Variants in KLRG2 observed in about 807,000 individuals in gnomAD.
KLRG2 encodes killer cell lectin-like receptor subfamily G member 2.
Under a neutral mutation model 35.4 loss-of-function variants are expected in KLRG2, and 39 were observed. The ratio of observed to expected loss-of-function variants is 1.10; its 90% CI spans 0.85 to 1.44. The LOEUF (loss-of-function observed/expected upper bound fraction) is 1.44, where lower values mean the gene tolerates loss of function less well. KLRG2 is among the 40% of genes most tolerant of loss of function. The probability of loss-of-function intolerance (pLI) is 0.00; values close to 1 mark genes in which losing one functional copy is unlikely to be tolerated. For missense variants in KLRG2, 632 were observed against 570.9 expected (o/e 1.11, Z -1.09); for synonymous variants, 283 against 265.8 (o/e 1.06, Z -0.63).
rs756859233 is a variant in KLRG2 at position 139,453,540 on chromosome 7, G to T, written c.*47C>A. On this transcript the variant is annotated 3_prime_UTR_variant, in exon 5 of 5. Transcript: ENST00000340940. ...AGCTCTCAACTGGCCTCCCCTGTAGGGGGTGCTGCATCTGCCTGGCAGGCT... is the reference window on the plus strand; with the variant it reads ...AGCTCTCAACTGGCCTCCCCTGTAGTGGGTGCTGCATCTGCCTGGCAGGCT... The T allele has an allele frequency of 3.2e-6, 5 of 1,556,886 alleles. No individual in the cohort carries two copies. The highest frequency in any genetic ancestry group is 1.4e-5 in the African/African-American group (1 of 73,418).
chr7:139,453,579 A>G lies in KLRG2; in HGVS notation c.*8T>C. 1.9e-6 allele frequency: 3 copies of G among 1,588,938 alleles called. No individual in the cohort carries two copies. Among genetic ancestry groups the G allele is most frequent in the Non-Finnish European group, 2.6e-6 (3 of 1,167,764 alleles). Reference sequence around the variant, plus strand: ...GCCTGGCAGGCTGAGGACCAGGCAGAGCCCAGATCACTGGGTCCCCTTGGC... The same window carrying G: ...GCCTGGCAGGCTGAGGACCAGGCAGGGCCCAGATCACTGGGTCCCCTTGGC... On this transcript the variant is annotated 3_prime_UTR_variant, in exon 5 of 5. Transcript: ENST00000340940.
At chr7:139,477,668 T>C (rs1470491513) in intron 3 of KLRG2, among the ~76,000 whole-genome samples, 1 of 152,172 alleles carries the variant, frequency 6.6e-6, no homozygotes, top group Non-Finnish European at 1.5e-5. Context: ...ATGGTGGTGA[T>C]AGGTGCTCAA....
chr7:139,456,746 G>T (rs190837342), intron 3 of KLRG2, among the ~76,000 whole-genome samples: 2 of 152,116 alleles, frequency 1.3e-5, no homozygotes, highest in African/African-American at 2.4e-5. Flanking sequence ...CTCAGCCTCC[G>T]AAGTAGCTGG....
the KLRG2 span, among the ~76,000 whole-genome samples, chr7:139,438,925 C>T: frequency 2.5e-5 from 3 of 122,332 alleles, no homozygotes; most frequent in South Asian, 3.5e-4. Context: ...TCCCCTCCCC[C>T]CCCCCACCCC....
chr7:139,450,333 C>G (rs576132121), downstream of KLRG2, among the ~76,000 whole-genome samples: 3 of 152,274 alleles, frequency 2.0e-5, no homozygotes, highest in African/African-American at 7.2e-5. Flanking sequence ...ACGCCATTCT[C>G]CTGTCTCAGC....
chr7:139,442,620 C>T, the KLRG2 span, among the ~76,000 whole-genome samples: 7 of 152,046 alleles, frequency 4.6e-5, no homozygotes, highest in Non-Finnish European at 8.8e-5. Flanking sequence ...CCATGGTGGG[C>T]GGATCACTTG....
intron 3 of KLRG2, among the ~76,000 whole-genome samples, chr7:139,462,500 T>C (rs1348519901): frequency 2.0e-5 from 3 of 152,162 alleles, no homozygotes; most frequent in Non-Finnish European, 4.4e-5. Flanking sequence ...TCCTTCACTA[T>C]AGGCAAACTT....
the KLRG2 span, among the ~76,000 whole-genome samples, chr7:139,443,903 T>C: frequency 6.6e-6 from 1 of 152,136 alleles, no homozygotes; most frequent in Non-Finnish European, 1.5e-5. Flanking sequence ...AGGAAGCCAG[T>C]AGTAGCTCAG....
intron 3 of KLRG2, among the ~76,000 whole-genome samples, chr7:139,477,275 A>G (rs1307569016): frequency 6.6e-6 from 1 of 152,210 alleles, no homozygotes; most frequent in Middle Eastern, 3.2e-3. Flanking sequence ...TTGTCCACCC[A>G]AATTCATAGC....
intron 3 of KLRG2, among the ~76,000 whole-genome samples, chr7:139,460,428 A>G (rs1327635550): frequency 6.6e-6 from 1 of 152,232 alleles, no homozygotes; most frequent in Admixed American, 6.5e-5. Flanking sequence ...CTGTAATCCC[A>G]GCCCTTTGGG....
At chr7:139,444,674 A>C in the KLRG2 span, among the ~76,000 whole-genome samples, 1 of 152,330 alleles carries the variant, frequency 6.6e-6, no homozygotes, top group East Asian at 1.9e-4. Context: ...CAGAACTGGA[A>C]GAAAATACAT....
chr7:139,451,908 T>C (rs1048872988), downstream of KLRG2, among the ~76,000 whole-genome samples: 3 of 151,714 alleles, frequency 2.0e-5, no homozygotes, highest in African/African-American at 4.8e-5. Context: ...TGTATTTTGA[T>C]TGGCGCCTGC....
Position 139,483,643 on chromosome 7 carries a change from C to A in KLRG2, c.-1G>T. The stretch of plus-strand genomic sequence containing the variant: ...GCGCAGCCTCCCAAGACTCCTCCAT[C>A]CCGCGCGCCCCGCCACCCGGAGACG... On this transcript the variant is annotated 5_prime_UTR_variant, in exon 1 of 5. Coordinates refer to ENST00000340940, the MANE Select transcript of KLRG2 (RefSeq NM_198508.4). 1 of 1,499,444 alleles carries A rather than the reference C, an allele frequency of 6.7e-7. No homozygotes were observed. The highest frequency in any genetic ancestry group is 1.3e-5 in the South Asian group (1 of 78,314). The allele number at this position is 1,499,444 out of a possible 1,614,324, so 92.9% of individuals were successfully genotyped here.
the KLRG2 span, among the ~76,000 whole-genome samples, chr7:139,430,721 T>A: frequency 6.6e-6 from 1 of 151,962 alleles, no homozygotes; most frequent in East Asian, 1.9e-4. Context: ...AGAAAGCAGA[T>A]AAACAGGCCA....
intron 1 of KLRG2, among the ~76,000 whole-genome samples, chr7:139,481,664 C>T (rs1192566351): frequency 6.6e-6 from 1 of 152,182 alleles, no homozygotes; most frequent in Non-Finnish European, 1.5e-5. Flanking sequence ...TGGTTCACAC[C>T]TGTAATCCCA....
chr7:139,463,110 G>A (rs896170245), intron 3 of KLRG2, among the ~76,000 whole-genome samples: 3 of 152,112 alleles, frequency 2.0e-5, no homozygotes, highest in Non-Finnish European at 2.9e-5. Context: ...GCATGGTCAA[G>A]GTTTTTCTTT....
chr7:139,460,253 G>A (rs776345983), intron 3 of KLRG2, among the ~76,000 whole-genome samples: 26 of 152,328 alleles, frequency 1.7e-4, no homozygotes, highest in East Asian at 5.8e-4. Context: ...TGGGGGTTGC[G>A]AGGGGACCTG....
intron 3 of KLRG2, among the ~76,000 whole-genome samples, chr7:139,455,924 G>A (rs532796489): frequency 2.0e-5 from 3 of 152,210 alleles, no homozygotes; most frequent in South Asian, 4.1e-4. Context: ...GTAAATTATA[G>A]GATGTCAACA....
the KLRG2 span, among the ~76,000 whole-genome samples, chr7:139,431,698 A>C: frequency 2.0e-5 from 3 of 152,218 alleles, no homozygotes; most frequent in Non-Finnish European, 2.9e-5. Context: ...GTTTCAAACA[A>C]TAGCAGCTGG....
Sources: gnomAD v4.1 joint callset for allele counts (sites outside exome capture counted in the v4.1 genomes callset) on GRCh38, gnomAD v4.1.1 for gene constraint, MANE v1.5 for transcripts, NCBI Gene and HGNC (gene_info 2026-07-23, HGNC 2026-07-21) for gene names.